The following ACOT8 variants were observed in gnomAD, a reference collection of about 807,000 sequenced individuals.
ACOT8 encodes acyl-CoA thioesterase 8.
In ACOT8, 31 loss-of-function variants were observed where a neutral mutation model predicts 38.4. The ratio of observed to expected loss-of-function variants is 0.81; its 90% confidence interval spans 0.61 to 1.09. The LOEUF is 1.09. Ranked by LOEUF, ACOT8 falls within the 50% of genes least tolerant of loss-of-function variation. ACOT8 has a pLI of 0.00. For missense variants in ACOT8, 373 were observed against 421.8 expected (o/e 0.88, Z 1.01); for synonymous variants, 158 against 170.3 (o/e 0.93, Z 0.56).
At chr20:45,844,478 G>C in intron 3 of ACOT8, 58 bp from the exon 4 acceptor site, 2 of 1,570,396 alleles carry the variant, frequency 1.3e-6, no homozygotes, top group Non-Finnish European at 1.7e-6. Flanking sequence ...AGTCACATCT[G>C]CATTGCCTCT....
At chr20:45,848,221 T>A (rs973828919) in intron 3 of ACOT8, among the ~76,000 whole-genome samples, 4 of 152,092 alleles carry the variant, frequency 2.6e-5, no homozygotes, top group African/African-American at 9.7e-5. Flanking sequence ...AGCCCTTCAT[T>A]TTATACCATG....
chr20:45,855,856 C>T (rs1235580532), intron 1 of ACOT8, among the ~76,000 whole-genome samples: 1 of 152,210 alleles, frequency 6.6e-6, no homozygotes, highest in Non-Finnish European at 1.5e-5. Flanking sequence ...CAGCTTGGCC[C>T]CAGAGATGAA....
At chr20:45,855,736 G>C (rs1985373760) in intron 1 of ACOT8, among the ~76,000 whole-genome samples, 2 of 152,078 alleles carry the variant, frequency 1.3e-5, no homozygotes, top group African/African-American at 4.8e-5. Context: ...CTGGGTGACA[G>C]AGCAAGACTC....
chr20:45,843,619 T>C lies in ACOT8; in HGVS notation c.749A>G (p.His250Arg), dbSNP rs778763267. The C allele has an allele frequency of 1.9e-6, 3 of 1,613,852 alleles. No homozygotes were observed. Among genetic ancestry groups the C allele is most frequent in the Non-Finnish European group, 2.5e-6 (3 of 1,179,794 alleles). The change falls in exon 5 of 6, where the codon CAC becomes CGC. Residue 250 changes from histidine to arginine, a missense_variant. Transcript: ENST00000217455. ...LLPHQWQHKV[H>R]FMVSLDHSMW... is the part of the protein sequence containing the mutation. ...GGAATGGTCCAGTGAGACCATGAAG[T>C]GCACCTTGTGCTGCCACTGGTGAGG...
At chr20:45,852,830 A>G (rs1226552865) in intron 2 of ACOT8, among the ~76,000 whole-genome samples, 1 of 152,148 alleles carries the variant, frequency 6.6e-6, no homozygotes, top group Non-Finnish European at 1.5e-5. Context: ...GTACAGTAGC[A>G]TGATCTCAGC....
chr20:45,851,483 G>T (rs961983981), intron 2 of ACOT8, among the ~76,000 whole-genome samples: 1 of 152,190 alleles, frequency 6.6e-6, no homozygotes, highest in Non-Finnish European at 1.5e-5. Context: ...GTGTGAATGA[G>T]TTCCAGCCCT....
At chr20:45,855,539 G>T (rs1985359254) in intron 1 of ACOT8, among the ~76,000 whole-genome samples, 1 of 152,174 alleles carries the variant, frequency 6.6e-6, no homozygotes, top group South Asian at 2.1e-4. Flanking sequence ...GATCATTTGA[G>T]ATCAGGAGTT....
At chr20:45,851,564 G>A (rs564074201) in intron 2 of ACOT8, among the ~76,000 whole-genome samples, 3 of 152,304 alleles carry the variant, frequency 2.0e-5, no homozygotes, top group South Asian at 2.1e-4. Context: ...AATGATTATG[G>A]AGTGATGCAG....
chr20:45,841,842 A>T lies in ACOT8; in HGVS notation c.956T>A (p.Leu319Gln). 2 of 1,602,038 alleles carry T rather than the reference A, an allele frequency of 1.2e-6. No homozygotes were observed. Among genetic ancestry groups the T allele is most frequent in the Non-Finnish European group, 1.7e-6 (2 of 1,175,242 alleles). The change falls in exon 6 of 6, where the codon CTG becomes CAG. Residue 319 changes from leucine (L) to glutamine (Q), a missense_variant. Coordinates refer to ENST00000217455, the MANE Select transcript of ACOT8 (RefSeq NM_005469.4). ...AGGCGAAGCTGGTACCTCTGGCTAC[A>T]GCTTGCTCTCTGAGACCTGGGGCTT... ...RVKPQVSESK[L>Q]
At chr20:45,842,875 T>A in intron 5 of ACOT8, 1 of 997,356 alleles carries the variant, frequency 1.0e-6, no homozygotes, top group Non-Finnish European at 1.2e-6. Context: ...TGTCCTTGGT[T>A]TATCAAGCAA....
intron 2 of ACOT8, 132 bp from the exon 3 acceptor site, chr20:45,848,807 G>A: frequency 1.3e-6 from 1 of 777,322 alleles, no homozygotes; most frequent in Non-Finnish European, 1.9e-6. Context: ...TAAGGTCCAG[G>A]CCCAGGGATA....
At chr20:45,848,797 T>A (rs113422635) in intron 2 of ACOT8, 122 bp from the exon 3 acceptor site, 1 of 889,562 alleles carries the variant, frequency 1.1e-6, no homozygotes, top group African/African-American at 1.7e-5. Flanking sequence ...TGAGGTCTGC[T>A]AAGGTCCAGG....
At chr20:45,845,837 G>GT (rs901449285) in intron 3 of ACOT8, among the ~76,000 whole-genome samples, 369 of 127,084 alleles carry the variant, frequency 2.9e-3, no homozygotes, top group Non-Finnish European at 2.9e-3. Context: ...GTTTTTTTTT[G>GT]TTTTTTTTTT....
intron 3 of ACOT8, 119 bp downstream of exon 3, chr20:45,848,328 ATCT>A: frequency 1.1e-6 from 1 of 900,926 alleles, no homozygotes; most frequent in African/African-American, 1.7e-5. Context: ...TCACTCCAGT[ATCT>A]TCTTTTCTAA....
chr20:45,847,491 G>A (rs980013548), intron 3 of ACOT8: 1 of 151,522 alleles, frequency 6.6e-6, no homozygotes, highest in African/African-American at 2.4e-5. Flanking sequence ...AGCACTTTAG[G>A]AGGTCAAGGT....
rs197665 is a variant in ACOT8 at position 45,843,840 on chromosome 20, G to A, written c.647-119C>T. On this transcript the variant is annotated intron_variant, in intron 4 of 5. Transcript: ENST00000217455. ...TGCAGACTGGTTGCTGCACAAGAGC[G>A]CTTGGCCTACAGTGTGTGTGTGTGA... 0.013 allele frequency: 19,701 copies of A among 1,481,856 alleles called. 2,172 individuals are homozygous for A. The African/African-American group carries it at 0.24, about 18-fold the overall frequency. 91.8% of individuals were successfully genotyped at this position (1,481,856 alleles called of 1,614,324 possible). A position where few individuals can be genotyped will look rare whatever the true frequency, so the allele number is the denominator to read the frequency against.
At chr20:45,853,918 C>A in intron 2 of ACOT8, 1 of 1,303,530 alleles carries the variant, frequency 7.7e-7, no homozygotes, top group Non-Finnish European at 1.0e-6. Flanking sequence ...ATACAAATCA[C>A]ATACTGTAAA....
rs1043432907 is a variant in ACOT8, at chr20:45,857,362, G to A, written c.-47C>T. ...TGCACACCCGCTCCGCGGAAGACGC[G>A]GAGACATACACAGAACCTGACTCTT... On this transcript the variant is annotated 5_prime_UTR_variant, in exon 1 of 6. Coordinates refer to ENST00000217455, the MANE Select transcript of ACOT8 (RefSeq NM_005469.4). 2 of 1,555,370 alleles carry A rather than the reference G, an allele frequency of 1.3e-6. No individual in the cohort carries two copies. The highest frequency in any genetic ancestry group is 1.7e-6 in the Non-Finnish European group (2 of 1,151,518).
At chr20:45,844,964 G>A (rs148379244) in intron 3 of ACOT8, among the ~76,000 whole-genome samples, 2 of 152,320 alleles carry the variant, frequency 1.3e-5, no homozygotes, top group East Asian at 3.9e-4. Flanking sequence ...TCTCACCCAG[G>A]CTGGAGTACA....
Sources: allele counts gnomAD v4.1 joint callset (sites outside exome capture counted in the v4.1 genomes callset), GRCh38; gene constraint gnomAD v4.1.1; transcripts MANE v1.5; gene names NCBI Gene and HGNC (gene_info 2026-07-23, HGNC 2026-07-21).